The following CDH13 variants were observed in gnomAD, a reference collection of about 807,000 sequenced individuals.
The protein encoded by CDH13 is cadherin 13.
A neutral mutation model predicts 63.8 loss-of-function variants in CDH13; 24 were observed. The ratio of observed to expected loss-of-function variants is 0.38; its 90% CI spans 0.27 to 0.53. The LOEUF (loss-of-function observed/expected upper bound fraction) is 0.53. Among genes scored for constraint, CDH13 ranks in the 20% least tolerant of loss-of-function variants. The probability of loss-of-function intolerance (pLI) is 0.85; values close to 1 mark genes in which losing one functional copy is unlikely to be tolerated. For missense variants in CDH13, 1,049 were observed against 903.1 expected (o/e 1.16, Z -2.07); for synonymous variants, 503 against 355.3 (o/e 1.42, Z -4.67).
intron 1 of CDH13, chr16:82,825,216 A>G (rs1428129983): frequency 6.6e-6 from 1 of 152,200 alleles, no homozygotes; most frequent in Non-Finnish European, 1.5e-5. Flanking sequence ...CTTTTTATCG[A>G]TGATTTTAAG....
intron 5 of CDH13, among the ~76,000 whole-genome samples, chr16:83,246,419 C>T (rs1904999312): frequency 6.6e-6 from 1 of 152,140 alleles, no homozygotes; most frequent in Non-Finnish European, 1.5e-5. Context: ...TCATCAGAAG[C>T]CTCATTTTGA....
At chr16:83,228,477 A>G (rs1376769268) in intron 5 of CDH13, among the ~76,000 whole-genome samples, 1 of 152,212 alleles carries the variant, frequency 6.6e-6, no homozygotes, top group Non-Finnish European at 1.5e-5. Context: ...TGTAAAGTCC[A>G]CACGCTAGCT....
intron 4 of CDH13, among the ~76,000 whole-genome samples, chr16:83,147,192 C>G (rs916522332): frequency 6.6e-6 from 1 of 152,148 alleles, no homozygotes. Context: ...AACTGAGGGC[C>G]GTGATCAGAC....
intron 4 of CDH13, among the ~76,000 whole-genome samples, chr16:83,188,469 C>T (rs1025543317): frequency 6.6e-6 from 1 of 152,148 alleles, no homozygotes; most frequent in Non-Finnish European, 1.5e-5. Context: ...TTTGAGTCCT[C>T]TTGGTGGTTT....
intron 10 of CDH13, among the ~76,000 whole-genome samples, chr16:83,685,154 T>C (rs899934855): frequency 1.3e-5 from 2 of 152,160 alleles, no homozygotes; most frequent in African/African-American, 4.8e-5. Flanking sequence ...ATTTAAATTT[T>C]ATTGGCCAAA....
intron 1 of CDH13, among the ~76,000 whole-genome samples, chr16:82,854,192 T>G (rs2039600256): frequency 6.6e-6 from 1 of 151,946 alleles, no homozygotes; most frequent in African/African-American, 2.4e-5. Flanking sequence ...GAGGTCAGGA[T>G]ATCGAGACCA....
chr16:82,937,884 G>A (rs1431623095), intron 2 of CDH13, among the ~76,000 whole-genome samples: 1 of 152,146 alleles, frequency 6.6e-6, no homozygotes, highest in African/African-American at 2.4e-5. Context: ...ACAATTGGAT[G>A]GAGGTAAAAA....
intron 1 of CDH13, among the ~76,000 whole-genome samples, chr16:82,700,951 A>ACCCC (rs1287553502): frequency 3.6e-4 from 5 of 13,834 alleles, no homozygotes; most frequent in African/African-American, 6.9e-4. Flanking sequence ...AAGTGCTGGA[A>ACCCC]CCCGCCCCCC....
intron 1 of CDH13, among the ~76,000 whole-genome samples, chr16:82,770,330 C>T (rs2035214261): frequency 6.6e-6 from 1 of 152,126 alleles, no homozygotes; most frequent in South Asian, 2.1e-4. Context: ...AAGTAATTCT[C>T]CTTAATTAGA....
chr16:83,380,044 A>G (rs1051178867), intron 6 of CDH13, among the ~76,000 whole-genome samples: 33 of 151,746 alleles, frequency 2.2e-4, no homozygotes, highest in African/African-American at 7.5e-4. Flanking sequence ...AAACATATAC[A>G]TAAAATATAC....
chr16:82,632,247 T>C (rs1908102054), intron 1 of CDH13, among the ~76,000 whole-genome samples: 1 of 152,190 alleles, frequency 6.6e-6, no homozygotes, highest in Admixed American at 6.5e-5. Flanking sequence ...TTTTTGAGTT[T>C]GGGACCTCTG....
intron 2 of CDH13, among the ~76,000 whole-genome samples, chr16:82,950,179 G>A (rs1597276297): frequency 1.3e-5 from 2 of 152,172 alleles, no homozygotes; most frequent in East Asian, 3.9e-4. Context: ...GGGCTGTGAG[G>A]GGAATCTGTT....
At chr16:82,715,883 T>G (rs976088147) in intron 1 of CDH13, among the ~76,000 whole-genome samples, 1 of 152,176 alleles carries the variant, frequency 6.6e-6, no homozygotes, top group Non-Finnish European at 1.5e-5. Flanking sequence ...CCAGTCCAAC[T>G]CCAGGAATGC....
At position 83,239,275 on chromosome 16, in the gene CDH13, G is replaced by C. The variant is rs532137402; in HGVS notation, c.636+21778G>C. Among the ~76,000 whole-genome samples, 7 of 152,328 alleles carry C rather than the reference G, an allele frequency of 4.6e-5. No individual in the cohort carries two copies. In the East Asian group the frequency reaches 9.6e-4, roughly 21 times the overall value. On this transcript the variant is annotated intron_variant, in intron 5 of 13. Coordinates refer to ENST00000567109, the MANE Select transcript of CDH13 (RefSeq NM_001257.5). Reference sequence around the variant, plus strand: ...AGCTCCTCAAGTTGGAAATAAAAAAGATGAATGGGAGGAGGAAATGAAGTT... The same window carrying C: ...AGCTCCTCAAGTTGGAAATAAAAAACATGAATGGGAGGAGGAAATGAAGTT...
At chr16:83,498,541 A>C (rs2074200080) in intron 7 of CDH13, among the ~76,000 whole-genome samples, 1 of 152,228 alleles carries the variant, frequency 6.6e-6, no homozygotes. Flanking sequence ...ACCATGTGTC[A>C]GTCCCTAGAA....
At chr16:83,172,003 C>A (rs1257652494) in intron 4 of CDH13, among the ~76,000 whole-genome samples, 4 of 152,126 alleles carry the variant, frequency 2.6e-5, no homozygotes, top group Non-Finnish European at 5.9e-5. Flanking sequence ...TTGAAACATG[C>A]TCTACCAAAA....
intron 1 of CDH13, among the ~76,000 whole-genome samples, chr16:82,750,384 C>T (rs985882492): frequency 6.6e-6 from 1 of 152,112 alleles, no homozygotes; most frequent in African/African-American, 2.4e-5. Context: ...CTCTACCAGC[C>T]TCAATCTTTA....
intron 1 of CDH13, among the ~76,000 whole-genome samples, chr16:82,696,593 T>A (rs1016653873): frequency 2.6e-5 from 4 of 152,226 alleles, no homozygotes; most frequent in Admixed American, 2.0e-4. Context: ...TAGCTCATGT[T>A]GCAACGAAGG....
intron 1 of CDH13, among the ~76,000 whole-genome samples, chr16:82,725,044 A>T (rs1018586120): frequency 5.9e-5 from 9 of 152,168 alleles, no homozygotes; most frequent in Admixed American, 4.6e-4. Flanking sequence ...TTCTTGATAA[A>T]TATTAGCTTA....
Sources: gnomAD v4.1 joint callset for allele counts (sites outside exome capture counted in the v4.1 genomes callset) on GRCh38, gnomAD v4.1.1 for gene constraint, MANE v1.5 for transcripts, NCBI Gene and HGNC (gene_info 2026-07-23, HGNC 2026-07-21) for gene names.